Variants in BAZ1B observed in about 807,000 individuals in gnomAD.
BAZ1B encodes bromodomain adjacent to zinc finger domain 1B, also known as tyrosine-protein kinase BAZ1B.
BAZ1B carries 22 observed loss-of-function variants against 153.8 expected under a neutral mutation model. That is an observed-to-expected ratio of 0.14 (90% CI 0.10 to 0.20). The LOEUF is 0.20. Ranked by LOEUF, BAZ1B falls within the 10% of genes least tolerant of loss-of-function variation. BAZ1B has a pLI of 1.00. For missense variants in BAZ1B, 1,325 were observed against 1,799.3 expected, an observed-to-expected ratio of 0.74 and a Z score of 4.77; for synonymous variants, 676 against 633.4, an observed-to-expected ratio of 1.07 and a Z score of -1.01.
chr7:73,507,000 T>A (rs1554577878), intron 3 of BAZ1B, among the ~76,000 whole-genome samples: 2 of 138,062 alleles, frequency 1.4e-5, no homozygotes, highest in African/African-American at 5.4e-5. Context: ...TGCCTCAGCC[T>A]CCCGAGTAGC....
chr7:73,506,403 G>A (rs1215530863), intron 3 of BAZ1B, among the ~76,000 whole-genome samples: 1 of 151,824 alleles, frequency 6.6e-6, no homozygotes, highest in African/African-American at 2.4e-5. Context: ...GGAGGCTGAG[G>A]CAGGAGAATG....
intron 5 of BAZ1B, 36 bp from the exon 6 acceptor site, chr7:73,489,427 G>A (rs1554575063): frequency 1.2e-6 from 2 of 1,606,792 alleles, no homozygotes; most frequent in Admixed American, 1.7e-5. Flanking sequence ...CACCACTGGG[G>A]TAAAAAGTAA....
chr7:73,457,547 G>A (rs1393051258), intron 13 of BAZ1B, among the ~76,000 whole-genome samples: 1 of 152,168 alleles, frequency 6.6e-6, no homozygotes, highest in Non-Finnish European at 1.5e-5. Flanking sequence ...AGCAACCCAA[G>A]TGAGTGGATC....
intron 7 of BAZ1B, among the ~76,000 whole-genome samples, chr7:73,470,737 CTTTTTG>C (rs1182090174): frequency 2.0e-5 from 3 of 152,094 alleles, no homozygotes; most frequent in Non-Finnish European, 4.4e-5. Flanking sequence ...AATATCACTT[CTTTTTG>C]TTTTTGTTTT....
At chr7:73,512,798 CT>C (rs1266294950) in intron 1 of BAZ1B, among the ~76,000 whole-genome samples, 1 of 152,200 alleles carries the variant, frequency 6.6e-6, no homozygotes, top group African/African-American at 2.4e-5. Context: ...ACAGTTTCCT[CT>C]ACAATACTAT....
intron 2 of BAZ1B, 89 bp downstream of exon 2, chr7:73,510,647 T>TTA: frequency 7.7e-7 from 1 of 1,298,896 alleles, no homozygotes; most frequent in African/African-American, 1.5e-5. Flanking sequence ...CCCCATAAAC[T>TTA]TAAATACACA....
intron 3 of BAZ1B, among the ~76,000 whole-genome samples, chr7:73,505,906 A>G (rs1790318590): frequency 6.6e-6 from 1 of 152,204 alleles, no homozygotes; most frequent in Non-Finnish European, 1.5e-5. Context: ...ACTACGGACT[A>G]TTATTACAAT....
chr7:73,444,227 T>G, intron 16 of BAZ1B, 98 bp from the exon 17 acceptor site: 1 of 1,382,460 alleles, frequency 7.2e-7, no homozygotes, highest in South Asian at 1.5e-5. Context: ...ATCCTTTTCC[T>G]GGACAAGGAA....
At chr7:73,465,310 C>T (rs1788539945) in intron 11 of BAZ1B, 129 bp downstream of exon 11, 1 of 576,826 alleles carries the variant, frequency 1.7e-6, no homozygotes, top group Admixed American at 3.7e-5. Context: ...GCAATATGAA[C>T]ACAAAACGGT....
intron 1 of BAZ1B, among the ~76,000 whole-genome samples, chr7:73,513,018 G>C (rs1401393707): frequency 2.0e-5 from 3 of 152,110 alleles, no homozygotes; most frequent in Non-Finnish European, 4.4e-5. Flanking sequence ...GCAGTGGTGG[G>C]ATCATGGCTC....
chr7:73,516,387 C>T lies in BAZ1B; in HGVS notation c.107+5440G>A, dbSNP rs142506811. ...CTACAAAATTTTAAATTACATATGG[C>T]TTACATTATACTTTTGTTGGACAGC... On this transcript the variant is annotated intron_variant, in intron 1 of 19. Transcript: ENST00000339594. Among the ~76,000 whole-genome samples the T allele has an allele frequency of 1.1e-3, 171 of 152,050 alleles. 1 individual carries two copies. The highest frequency in any genetic ancestry group is 3.9e-3 in the African/African-American group (163 of 41,490).
At chr7:73,488,382 T>G (rs1250445329) in intron 6 of BAZ1B, among the ~76,000 whole-genome samples, 2 of 152,150 alleles carry the variant, frequency 1.3e-5, no homozygotes, top group Non-Finnish European at 2.9e-5. Context: ...AATATATATA[T>G]GTACCATATA....
chr7:73,461,914 A>G (rs1788409878), intron 12 of BAZ1B, among the ~76,000 whole-genome samples: 1 of 152,126 alleles, frequency 6.6e-6, no homozygotes, highest in Non-Finnish European at 1.5e-5. Context: ...ACATAGTGAG[A>G]TTTTGTCTCT....
chr7:73,463,047 G>A lies in BAZ1B; in HGVS notation c.3124C>T (p.Leu1042=). 1 of 1,613,934 alleles carries A rather than the reference G, an allele frequency of 6.2e-7. No homozygotes were observed. The highest frequency in any genetic ancestry group is 8.5e-7 in the Non-Finnish European group (1 of 1,179,922). ...TCCTGGTTGCCATCACAAGATTTTA[G>A]ACCCAAATTTGGCTTCCGTGCTAGA... ...IHLARKPNLG[L]KSCDGNQELL... The change falls in exon 12 of 20, where the codon CTA becomes TTA. Residue 1042 remains leucine (L), a synonymous_variant. Transcript: ENST00000339594.
At chr7:73,486,981 A>G (rs1789436400) in intron 6 of BAZ1B, among the ~76,000 whole-genome samples, 1 of 152,246 alleles carries the variant, frequency 6.6e-6, no homozygotes, top group Non-Finnish European at 1.5e-5. Flanking sequence ...GTATTAGGAA[A>G]TAAGAAATTA....
At chr7:73,493,834 G>A (rs1249969294) in intron 4 of BAZ1B, among the ~76,000 whole-genome samples, 2 of 135,474 alleles carry the variant, frequency 1.5e-5, no homozygotes, top group South Asian at 4.6e-4. Flanking sequence ...GTGAAACCCT[G>A]TCTCCAAAAA....
chr7:73,517,063 AT>A (rs1262029597), intron 1 of BAZ1B, among the ~76,000 whole-genome samples: 1 of 151,566 alleles, frequency 6.6e-6, no homozygotes, highest in African/African-American at 2.4e-5. Context: ...GGTGCCTGTA[AT>A]CCCAGTTGCT....
chr7:73,464,305 C>T (rs529932494), intron 11 of BAZ1B: 515 of 236,562 alleles, frequency 2.2e-3, no homozygotes, highest in Non-Finnish European at 2.7e-3. Flanking sequence ...ATATGGCAGT[C>T]GCAAATTTGA....
intron 1 of BAZ1B, among the ~76,000 whole-genome samples, chr7:73,515,942 C>T (rs1201423270): frequency 2.0e-5 from 3 of 151,916 alleles, no homozygotes; most frequent in Admixed American, 6.6e-5. Flanking sequence ...GCCAGGTGTT[C>T]GAGACTAGCC....
Sources: allele counts gnomAD v4.1 joint callset (sites outside exome capture counted in the v4.1 genomes callset), GRCh38; gene constraint gnomAD v4.1.1; transcripts MANE v1.5; gene names NCBI Gene and HGNC (gene_info 2026-07-23, HGNC 2026-07-21).